SOX5: variants seen among roughly 807,000 people sequenced by gnomAD.
SOX5 encodes transcription factor SOX-5.
In SOX5, 9 loss-of-function variants were observed where a neutral mutation model predicts 92.0. The observed-to-expected ratio is 0.10, with a 90% CI of 0.06 to 0.17. The LOEUF (loss-of-function observed/expected upper bound fraction) is 0.17. SOX5 is among the 10% of genes least tolerant of loss of function. The pLI, the probability that SOX5 is intolerant of heterozygous loss-of-function variation, is 1.00. For synonymous variants in SOX5, 344 were observed against 336.3 expected, an observed-to-expected ratio of 1.02 and a Z score of -0.25; for missense variants, 642 against 944.5, an observed-to-expected ratio of 0.68 and a Z score of 4.20.
intron 6 of SOX5, among the ~76,000 whole-genome samples, chr12:23,690,867 C>T (rs902348693): frequency 3.3e-5 from 5 of 152,192 alleles, no homozygotes; most frequent in African/African-American, 1.2e-4. Context: ...GCTCACTCCA[C>T]TTATCTTTTA....
intron 1 of SOX5, among the ~76,000 whole-genome samples, chr12:24,548,897 G>C (rs6487393): frequency 0.55 from 84,372 of 152,044 alleles, 26,099 homozygotes; most frequent in East Asian, 0.91. Flanking sequence ...CTTCATCACC[G>C]TTATTATGAA....
intron 4 of SOX5, among the ~76,000 whole-genome samples, chr12:24,031,656 T>A (rs538852180): frequency 5.3e-5 from 8 of 151,876 alleles, no homozygotes; most frequent in Non-Finnish European, 1.0e-4. Context: ...TTTATAAATT[T>A]TAATTTAGCA....
intron 1 of SOX5, among the ~76,000 whole-genome samples, chr12:23,930,228 A>G (rs1304137913): frequency 1.3e-5 from 2 of 151,896 alleles, no homozygotes; most frequent in Non-Finnish European, 1.5e-5. Flanking sequence ...GAACATTGGT[A>G]GAATGCTTCA....
chr12:23,970,267 T>C (rs1256693635), intron 4 of SOX5, among the ~76,000 whole-genome samples: 1 of 152,084 alleles, frequency 6.6e-6, no homozygotes, highest in South Asian at 2.1e-4. Context: ...TGTTGAGATA[T>C]AATTCGCATA....
intron 2 of SOX5, among the ~76,000 whole-genome samples, chr12:23,874,943 T>C (rs918824224): frequency 1.3e-5 from 2 of 152,214 alleles, no homozygotes; most frequent in African/African-American, 4.8e-5. Flanking sequence ...TACTCACTTA[T>C]AGCTCAAAAG....
intron 4 of SOX5, among the ~76,000 whole-genome samples, chr12:24,033,114 A>G (rs1419492407): frequency 6.6e-6 from 1 of 151,950 alleles, no homozygotes; most frequent in Non-Finnish European, 1.5e-5. Context: ...GAGGTCATTT[A>G]GGGAAGTAGA....
At chr12:23,681,762 G>C (rs2086662125) in intron 6 of SOX5, among the ~76,000 whole-genome samples, 1 of 151,530 alleles carries the variant, frequency 6.6e-6, no homozygotes, top group Non-Finnish European at 1.5e-5. Flanking sequence ...CTTTTCAAAA[G>C]AATCCAAATA....
intron 3 of SOX5, among the ~76,000 whole-genome samples, chr12:24,244,882 G>A (rs151240659): frequency 1.1e-3 from 170 of 152,128 alleles, no homozygotes; most frequent in African/African-American, 3.7e-3. Flanking sequence ...GTAGAGACGG[G>A]GTTTCATTCT....
At chr12:23,765,384 G>GAAAA (rs1240381243) in intron 3 of SOX5, among the ~76,000 whole-genome samples, 3 of 2,174 alleles carry the variant, frequency 1.4e-3, no homozygotes, top group South Asian at 0.12. Context: ...GTGTAAAACA[G>GAAAA]CAAAAAAAAA....
chr12:24,020,193 G>A (rs1387044807), intron 4 of SOX5, among the ~76,000 whole-genome samples: 1 of 152,068 alleles, frequency 6.6e-6, no homozygotes, highest in Non-Finnish European at 1.5e-5. Context: ...GTAACTAAAG[G>A]TCAAAGTTCT....
chr12:24,218,626 T>C (rs1200500235), intron 3 of SOX5, among the ~76,000 whole-genome samples: 1 of 152,164 alleles, frequency 6.6e-6, no homozygotes, highest in Non-Finnish European at 1.5e-5. Context: ...ATGAATTGTA[T>C]GGTACATAAA....
chr12:23,698,388 T>A (rs1315402597), intron 6 of SOX5, among the ~76,000 whole-genome samples: 1 of 152,186 alleles, frequency 6.6e-6, no homozygotes, highest in Admixed American at 6.5e-5. Context: ...TTGGTCTTTT[T>A]TCTGTTTTTA....
chr12:23,723,581 T>TATATATATAC lies in SOX5; in HGVS notation c.810+11102_810+11103insGTATATATAT, dbSNP rs1491240128. On this transcript the variant is annotated intron_variant, in intron 6 of 14. Coordinates refer to ENST00000451604, the MANE Select transcript of SOX5 (RefSeq NM_006940.6). ...AGGAGAAAAATTATATATATATATATACACACACACACACACACGCACTCA... is the reference window on the plus strand; with the variant it reads ...AGGAGAAAAATTATATATATATATATATATATATACACACACACACACACACACGCACTCA... Among the ~76,000 whole-genome samples, 197 of 131,830 alleles carry TATATATATAC rather than the reference T, an allele frequency of 1.5e-3. 1 individual carries two copies. Among genetic ancestry groups the TATATATATAC allele is most frequent in the Admixed American group, 2.8e-3 (36 of 13,068 alleles). 86.5% of individuals were successfully genotyped at this position (131,830 alleles called of 152,430 possible).
intron 1 of SOX5, among the ~76,000 whole-genome samples, chr12:23,911,237 A>G (rs2097348595): frequency 6.6e-6 from 1 of 152,086 alleles, no homozygotes. Flanking sequence ...CCAGAAATAC[A>G]TGTGGATAAT....
chr12:23,550,274 A>G (rs1176188614), intron 11 of SOX5, among the ~76,000 whole-genome samples: 1 of 151,916 alleles, frequency 6.6e-6, no homozygotes, highest in Non-Finnish European at 1.5e-5. Context: ...GAAAATAATG[A>G]GTTTTGGCAT....
intron 4 of SOX5, among the ~76,000 whole-genome samples, chr12:24,025,706 A>C (rs1373167677): frequency 6.6e-6 from 1 of 152,094 alleles, no homozygotes; most frequent in Non-Finnish European, 1.5e-5. Context: ...TCAAAATGCC[A>C]ATAAAACTTT....
At chr12:24,045,630 GAGAAAC>G (rs2137048285) in intron 4 of SOX5, among the ~76,000 whole-genome samples, 2 of 152,228 alleles carry the variant, frequency 1.3e-5, no homozygotes, top group Non-Finnish European at 2.9e-5. Flanking sequence ...CAGGGCCAAT[GAGAAAC>G]TGCTATGTAC....
In SOX5 at chr12:23,850,435, A is replaced by T. The variant is rs539768336; in HGVS notation, c.271-4242T>A. On this transcript the variant is annotated intron_variant, in intron 2 of 14. Coordinates refer to ENST00000451604, the MANE Select transcript of SOX5 (RefSeq NM_006940.6). The stretch of plus-strand genomic sequence containing the variant: ...AGAGTGAGACTCTGTCTACAAAAAA[A>T]AAATAAATAAATAAATAAAAAAAAA... 7.4e-3 allele frequency among the ~76,000 whole-genome samples: 844 copies of T among 114,664 alleles called. 6 individuals carry two copies. The highest frequency in any genetic ancestry group is 9.0e-3 in the Non-Finnish European group (537 of 59,534). 75.2% of individuals were successfully genotyped at this position (114,664 alleles called of 152,430 possible).
intron 4 of SOX5, among the ~76,000 whole-genome samples, chr12:24,162,648 C>A (rs950150824): frequency 6.6e-6 from 1 of 152,098 alleles, no homozygotes; most frequent in Admixed American, 6.6e-5. Flanking sequence ...TGAATATTAT[C>A]CTTTATCCTC....
Sources: gnomAD v4.1 joint callset for allele counts (sites outside exome capture counted in the v4.1 genomes callset) on GRCh38, gnomAD v4.1.1 for gene constraint, MANE v1.5 for transcripts, NCBI Gene and HGNC (gene_info 2026-07-23, HGNC 2026-07-21) for gene names.